Variants in APC observed in about 807,000 individuals in gnomAD.
APC encodes APC regulator of Wnt signaling pathway, also known as adenomatous polyposis coli protein.
Under a neutral mutation model 247.0 loss-of-function variants are expected in APC, and 72 were observed. The observed-to-expected ratio is 0.29, with a 90% CI of 0.24 to 0.35. APC has a LOEUF of 0.35. APC is among the 10% of genes least tolerant of loss of function. The probability of loss-of-function intolerance (pLI) is 1.00; values close to 1 mark genes in which losing one functional copy is unlikely to be tolerated. For missense variants in APC, 3,400 were observed against 3,360.7 expected, an observed-to-expected ratio of 1.01 and a Z score of -0.29; for synonymous variants, 1,254 against 1,162.5, an observed-to-expected ratio of 1.08 and a Z score of -1.60.
chr5:112,835,171 T>C lies in APC; in HGVS notation c.1958+6T>C, dbSNP rs368421386. The C allele has an allele frequency of 3.1e-6, 5 of 1,603,154 alleles. No individual in the cohort carries two copies. The highest frequency in any genetic ancestry group is 4.3e-6 in the Non-Finnish European group (5 of 1,172,174). ...GCTACAAATGAGGACCACAGGTATATATAGAGTTTTATATTACTTTTAAAG... is the reference window on the plus strand; with the variant it reads ...GCTACAAATGAGGACCACAGGTATACATAGAGTTTTATATTACTTTTAAAG... On this transcript the variant is annotated splice_donor_region_variant and intron_variant, in intron 15 of 15. Transcript: ENST00000257430.
intron 1 of APC, among the ~76,000 whole-genome samples, chr5:112,747,957 A>G (rs1386710596): frequency 6.6e-6 from 1 of 152,222 alleles, no homozygotes; most frequent in Non-Finnish European, 1.5e-5. Context: ...ATTAAGTTTT[A>G]TTAGAGCATG....
At chr5:112,712,798 T>G (rs562816518) in intron 1 of APC, among the ~76,000 whole-genome samples, 2 of 152,332 alleles carry the variant, frequency 1.3e-5, no homozygotes, top group African/African-American at 4.8e-5. Flanking sequence ...TCTCCCACTG[T>G]CAATCACGTG....
intron 2 of APC, among the ~76,000 whole-genome samples, chr5:112,765,910 ATG>A (rs1561461384): frequency 2.0e-5 from 3 of 152,182 alleles, no homozygotes; most frequent in Non-Finnish European, 4.4e-5. Flanking sequence ...TAAATAGATT[ATG>A]TGTTAATTTG....
Position 112,773,497 on chromosome 5 carries a change from G to C in APC, c.423-2132G>C, listed in dbSNP as rs139828526. Among the ~76,000 whole-genome samples the C allele has an allele frequency of 8.4e-3, 1,281 of 152,246 alleles. 19 individuals are homozygous for C. Among genetic ancestry groups the C allele is most frequent in the African/African-American group, 0.029 (1,196 of 41,540 alleles). ...AAAAATATATATATAACTTTTGACTGCCCGAAAACTTTACTGATTGCCTGT... is the reference window on the plus strand; with the variant it reads ...AAAAATATATATATAACTTTTGACTCCCCGAAAACTTTACTGATTGCCTGT... On this transcript the variant is annotated intron_variant, in intron 4 of 15. Transcript: ENST00000257430.
intron 6 of APC, chr5:112,783,765 C>CAAAAAAAAAAAAAAAAAAAAAAAAGAAA: frequency 5.1e-6 from 1 of 195,632 alleles, no homozygotes; most frequent in Non-Finnish European, 9.3e-6. Context: ...CCACTGCACT[C>CAAAAAAAAAAAAAAAAAAAAAAAAGAAA]AAAAAAAAAA....
At chr5:112,808,614 C>G (rs1009369364) in intron 8 of APC, among the ~76,000 whole-genome samples, 2 of 152,002 alleles carry the variant, frequency 1.3e-5, no homozygotes, top group Non-Finnish European at 2.9e-5. Flanking sequence ...CCTCTGTTCC[C>G]CAGGCTGGTC....
intron 9 of APC, among the ~76,000 whole-genome samples, chr5:112,816,134 T>C (rs1334060452): frequency 6.6e-6 from 1 of 152,204 alleles, no homozygotes; most frequent in Non-Finnish European, 1.5e-5. Flanking sequence ...TTGCCTGCAT[T>C]GGTGGGGACC....
intron 2 of APC, among the ~76,000 whole-genome samples, chr5:112,763,849 C>T (rs377116069): frequency 1.3e-5 from 2 of 152,270 alleles, no homozygotes; most frequent in South Asian, 2.1e-4. Flanking sequence ...CTTACTGAAT[C>T]GACAGTCTAT....
At chr5:112,738,553 T>C in intron 1 of APC, 1 of 955,584 alleles carries the variant, frequency 1.0e-6, no homozygotes, top group Non-Finnish European at 1.2e-6. Flanking sequence ...AAACTCCCTG[T>C]GAACAGGGTG....
chr5:112,716,804 G>C (rs561688563), intron 1 of APC, among the ~76,000 whole-genome samples: 1 of 152,212 alleles, frequency 6.6e-6, no homozygotes, highest in South Asian at 2.1e-4. Context: ...GGTAGTACTT[G>C]CACATTAAAG....
chr5:112,828,782 T>C (rs1199410670), intron 13 of APC, 74 bp from the exon 14 acceptor site: 1 of 1,017,512 alleles, frequency 9.8e-7, no homozygotes, highest in Non-Finnish European at 1.5e-6. Flanking sequence ...CTATTCTTAC[T>C]GCTAGCATTA....
chr5:112,804,545 A>G (rs907760209), intron 8 of APC, among the ~76,000 whole-genome samples: 4 of 151,978 alleles, frequency 2.6e-5, no homozygotes, highest in African/African-American at 9.7e-5. Flanking sequence ...ACACCAAGCT[A>G]ATTTTTGTAT....
intron 4 of APC, among the ~76,000 whole-genome samples, chr5:112,769,870 C>T (rs1756833792): frequency 1.3e-5 from 2 of 152,162 alleles, no homozygotes. Flanking sequence ...TGATGTTTCA[C>T]TGTCTTTTAT....
chr5:112,820,321 A>G (rs563539800), intron 10 of APC, among the ~76,000 whole-genome samples: 179 of 152,212 alleles, frequency 1.2e-3, no homozygotes, highest in African/African-American at 3.9e-3. Flanking sequence ...AAGCTTAGGT[A>G]TGAAGGTGAA....
In APC at chr5:112,808,065, G is replaced by C. The variant is rs1761601576; in HGVS notation, c.834+6682G>C. On this transcript the variant is annotated intron_variant, in intron 8 of 15. Transcript: ENST00000257430. The stretch of plus-strand genomic sequence containing the variant: ...AGCTACTCGGGAAGCTGAGGCAGGA[G>C]AATCACTTGAATCCAGGAGGCAGAG... 2.6e-5 allele frequency among the ~76,000 whole-genome samples: 4 copies of C among 152,158 alleles called. No individual in the cohort carries two copies. In the South Asian group the frequency reaches 8.3e-4, roughly 31 times the overall value.
At chr5:112,801,201 C>CA in intron 7 of APC, 78 bp from the exon 8 acceptor site, 2 of 1,184,396 alleles carry the variant, frequency 1.7e-6, no homozygotes, top group South Asian at 1.3e-5. Flanking sequence ...AGCTTTAAAG[C>CA]AAAAAAAGAA....
rs1425442729 is a variant in APC, at chr5:112,838,320, C to T, written c.2726C>T (p.Thr909Ile). 3 of 1,614,164 alleles carry T rather than the reference C, an allele frequency of 1.9e-6. No homozygotes were observed. The highest frequency in any genetic ancestry group is 1.1e-5 in the South Asian group (1 of 91,078). ...CAGGAAGACAGAAGTTCTGGGTCTA[C>T]CACTGAATTACATTGTGTGACAGAT... is the stretch of plus-strand genomic sequence containing the variant. Reference protein sequence around the residue: ...TSQEDRSSGSTTELHCVTDER... With the variant: ...TSQEDRSSGSITELHCVTDER... The change falls in exon 16 of 16, where the codon ACC (threonine) becomes ATC (isoleucine). Residue 909 changes from threonine to isoleucine, a missense_variant. Thr to Ile is a moderately conservative substitution (Grantham distance 89, BLOSUM62 -1). Transcript: ENST00000257430.
intron 1 of APC, among the ~76,000 whole-genome samples, chr5:112,715,013 T>C (rs1454717382): frequency 2.6e-5 from 4 of 152,182 alleles, no homozygotes; most frequent in Non-Finnish European, 5.9e-5. Context: ...TGTTTAGAAA[T>C]TTAAGAACGC....
Position 112,839,285 on chromosome 5 carries a change from C to G in APC, c.3691C>G (p.Leu1231Val), listed in dbSNP as rs573020080. 5 of 1,614,156 alleles carry G rather than the reference C, an allele frequency of 3.1e-6. No homozygotes were observed. The highest frequency in any genetic ancestry group is 4.2e-6 in the Non-Finnish European group (5 of 1,180,028). ...PSSNAKRQNQ[L>V]HPSSAQSRSG... ...ATCTAATGCCAAGAGGCAGAATCAG[C>G]TCCATCCAAGTTCTGCACAGAGTAG... The change falls in exon 16 of 16, where the codon CTC (leucine) becomes GTC (valine). Residue 1231 changes from leucine (L) to valine (V), a missense_variant. Physicochemically the swap from Leu to Val is conservative, Grantham distance 32. This residue lies in a region of APC where 715 missense variants were observed against 656.6 expected (regional missense o/e 1.09). Transcript: ENST00000257430. The surrounding 1 kb of genome is among the most constrained non-coding windows in gnomAD (Gnocchi z 5.0).
Sources: allele counts gnomAD v4.1 joint callset (sites outside exome capture counted in the v4.1 genomes callset), GRCh38; gene constraint gnomAD v4.1.1; regional missense constraint gnomAD v4.1.1; non-coding constraint Gnocchi (gnomAD v3.1); transcripts MANE v1.5; gene names NCBI Gene and HGNC (gene_info 2026-07-23, HGNC 2026-07-21).